GHRHR: variants seen among roughly 807,000 people sequenced by gnomAD.
The protein encoded by GHRHR is growth hormone releasing hormone receptor.
GHRHR carries 40 observed loss-of-function variants against 58.3 expected under a neutral mutation model. The observed-to-expected ratio is 0.69, with a 90% confidence interval of 0.53 to 0.89. The LOEUF is 0.89. Among genes scored for constraint, GHRHR ranks in the 40% least tolerant of loss-of-function variants. The probability of loss-of-function intolerance (pLI) is 0.00; values close to 1 mark genes in which losing one functional copy is unlikely to be tolerated. For missense variants in GHRHR, 551 were observed against 541.3 expected, an observed-to-expected ratio of 1.02 and a Z score of -0.18; for synonymous variants, 249 against 216.6, an observed-to-expected ratio of 1.15 and a Z score of -1.31.
chr7:30,968,631 TCCC>T (rs1792407357), intron 1 of GHRHR, among the ~76,000 whole-genome samples, 200 bp from the exon 2 acceptor site: 2 of 22,738 alleles, frequency 8.8e-5, no homozygotes, highest in African/African-American at 3.4e-4. Flanking sequence ...CCTCCCTCCC[TCCC>T]TCCCTCCCTT....
intron 1 of GHRHR, among the ~76,000 whole-genome samples, chr7:30,966,525 C>G (rs1792358237): frequency 6.6e-6 from 1 of 152,144 alleles, no homozygotes; most frequent in Non-Finnish European, 1.5e-5. Context: ...CTTCTCCCCA[C>G]TGTGTGTGTC....
intron 6 of GHRHR, 94 bp downstream of exon 6, chr7:30,972,189 T>C: frequency 7.0e-7 from 1 of 1,420,990 alleles, no homozygotes; most frequent in Non-Finnish European, 9.8e-7. Flanking sequence ...CCCTGCCCTG[T>C]GGGCTGACCC....
At chr7:30,979,096 C>A (rs112131368) in intron 12 of GHRHR, 23 bp from the exon 13 acceptor site, 3 of 1,611,264 alleles carry the variant, frequency 1.9e-6, no homozygotes, top group Non-Finnish European at 2.5e-6. Flanking sequence ...ACCTTCCTAA[C>A]GTCCTCTTCC....
chr7:30,971,076 A>C, intron 4 of GHRHR, 43 bp from the exon 5 acceptor site: 1 of 855,712 alleles, frequency 1.2e-6, no homozygotes, highest in Non-Finnish European at 2.0e-6. Context: ...TTTCCTCCAA[A>C]GGCCCAGAAG....
chr7:30,963,974 G>C lies in GHRHR; in HGVS notation c.-95G>C. ...AGCCACCTGAGAAGGGGAAGCAGAG[G>C]GTGCGGTGGAAACGGCTGTGTCAGG... On this transcript the variant is annotated 5_prime_UTR_variant, in exon 1 of 13. Transcript: ENST00000326139. The C allele has an allele frequency of 6.1e-6, 7 of 1,143,030 alleles. No homozygotes were observed. Among genetic ancestry groups the C allele is most frequent in the Non-Finnish European group, 9.0e-6 (7 of 778,618 alleles). 70.8% of individuals were successfully genotyped at this position (1,143,030 alleles called of 1,614,324 possible).
At position 30,979,341 on chromosome 7, in the gene GHRHR, C is replaced by T; in HGVS notation, c.*97C>T. 1.6e-6 allele frequency: 2 copies of T among 1,251,332 alleles called. No individual in the cohort carries two copies. The highest frequency in any genetic ancestry group is 2.3e-6 in the Non-Finnish European group (2 of 877,628). 77.5% of individuals were successfully genotyped at this position (1,251,332 alleles called of 1,614,324 possible). On this transcript the variant is annotated 3_prime_UTR_variant, in exon 13 of 13. Transcript: ENST00000326139. ...GAGCAAGGGGGCCACATCCCCACCC[C>T]AGCTGTTACCCAGCCCGGGGCAGGT...
At chr7:30,965,201 C>T (rs1224261920) in intron 1 of GHRHR, among the ~76,000 whole-genome samples, 1 of 152,222 alleles carries the variant, frequency 6.6e-6, no homozygotes, top group African/African-American at 2.4e-5. Flanking sequence ...CATCTGTGTG[C>T]ACTCTACAGC....
chr7:30,969,626 C>T (rs969485922), intron 3 of GHRHR: 10 of 616,742 alleles, frequency 1.6e-5, no homozygotes, highest in Non-Finnish European at 2.9e-5. Flanking sequence ...CTCCTCACCC[C>T]TCAGGGGAAT....
chr7:30,970,280 C>T (rs1199360104), intron 4 of GHRHR, among the ~76,000 whole-genome samples: 4 of 152,140 alleles, frequency 2.6e-5, no homozygotes, highest in African/African-American at 9.7e-5. Context: ...AACAAGGCTC[C>T]TAGCAGCCCT....
At chr7:30,965,410 C>T (rs894790180) in intron 1 of GHRHR, among the ~76,000 whole-genome samples, 4 of 102,420 alleles carry the variant, frequency 3.9e-5, no homozygotes, top group African/African-American at 2.8e-4. Flanking sequence ...TGGGTGGGGT[C>T]CACGATGTGT....
chr7:30,972,429 C>T (rs1020250300), intron 6 of GHRHR, among the ~76,000 whole-genome samples: 13 of 152,032 alleles, frequency 8.6e-5, no homozygotes, highest in East Asian at 5.8e-4. Context: ...GGGGTGTGTA[C>T]GCAAGGGGCT....
At chr7:30,969,460 G>A (rs1178402398) in intron 3 of GHRHR, 1 of 593,954 alleles carries the variant, frequency 1.7e-6, no homozygotes, top group Non-Finnish European at 3.0e-6. Flanking sequence ...GTGGAGGAGG[G>A]CAGGCCTGCC....
chr7:30,969,933 GC>G lies in GHRHR; in HGVS notation c.338del (p.Pro113LeufsTer17). 6.8e-7 allele frequency: 1 copy of G among 1,476,380 alleles called. No individual in the cohort carries two copies. Among genetic ancestry groups the G allele is most frequent in the Non-Finnish European group, 9.5e-7 (1 of 1,053,760 alleles). 91.5% of individuals were successfully genotyped at this position (1,476,380 alleles called of 1,614,324 possible). ...SEPFPPYPVA[C>X]PVPLELLAEE... ...CCCTTTCCACCTTACCCTGTGGCCT[GC>G]CCTGTGCCTCTGGAGCTGCTGGCTG... On this transcript the variant is annotated frameshift_variant, in exon 4 of 13. Coordinates refer to ENST00000326139, the MANE Select transcript of GHRHR (RefSeq NM_000823.4). LOFTEE classifies it high-confidence loss of function.
At position 30,976,431 on chromosome 7, in the gene GHRHR, G is replaced by A. The variant is rs535727568; in HGVS notation, c.977G>A (p.Arg326His). The change falls in exon 11 of 13, where the codon CGT (arginine) becomes CAT (histidine). Residue 326 changes from arginine (R) to histidine (H), a missense_variant and splice_region_variant. Coordinates refer to ENST00000326139, the MANE Select transcript of GHRHR (RefSeq NM_000823.4). ...CCTAGGATTTGTCTTTCCTGCAGGC[G>A]TCTCTCCAAGTCGACACTTTTCCTG... ...GSLHTQSQYWRLSKSTLFLIP... is the reference protein window; with the variant it reads ...GSLHTQSQYWHLSKSTLFLIP... 1.5e-5 allele frequency: 24 copies of A among 1,613,208 alleles called. No individual in the cohort carries two copies. The highest frequency in any genetic ancestry group is 2.2e-5 in the East Asian group (1 of 44,850).
At chr7:30,976,392 C>T in intron 10 of GHRHR, 37 bp from the exon 11 acceptor site, 3 of 1,603,532 alleles carry the variant, frequency 1.9e-6, no homozygotes, top group South Asian at 2.2e-5. Flanking sequence ...AGTTTCTAAT[C>T]CCAGTCTTGG....
intron 1 of GHRHR, among the ~76,000 whole-genome samples, chr7:30,968,611 TCC>T (rs1792405209): frequency 5.0e-5 from 4 of 79,536 alleles, no homozygotes; most frequent in Non-Finnish European, 9.2e-5. Context: ...CCTCTCTCCC[TCC>T]CTCCCTCCCT....
At chr7:30,977,412 C>A in intron 12 of GHRHR, 90 bp downstream of exon 12, 6 of 1,095,544 alleles carry the variant, frequency 5.5e-6, no homozygotes, top group Non-Finnish European at 8.5e-6. Flanking sequence ...GCCCTGTAAA[C>A]CCCAGCTCAG....
At chr7:30,964,194 T>C in intron 1 of GHRHR, 69 bp downstream of exon 1, 4 of 1,369,168 alleles carry the variant, frequency 2.9e-6, no homozygotes, top group Non-Finnish European at 4.0e-6. Flanking sequence ...CAGGGCCAAC[T>C]GGAGCCTGGC....
intron 5 of GHRHR, 96 bp downstream of exon 5, chr7:30,971,312 C>G (rs1250720749): frequency 7.0e-6 from 5 of 715,144 alleles, no homozygotes; most frequent in Non-Finnish European, 1.3e-5. Flanking sequence ...CATGAACTTC[C>G]CAGATCTAGG....
Sources: gnomAD v4.1 joint callset for allele counts (sites outside exome capture counted in the v4.1 genomes callset) on GRCh38, gnomAD v4.1.1 for gene constraint, MANE v1.5 for transcripts, NCBI Gene and HGNC (gene_info 2026-07-23, HGNC 2026-07-21) for gene names.